Variants in RFX8 observed in about 807,000 individuals in gnomAD.
RFX8 encodes the protein regulatory factor X8, also known as DNA-binding protein RFX8.
In RFX8, 46 loss-of-function variants were observed where a neutral mutation model predicts 54.6. That is an observed-to-expected ratio of 0.84 (90% CI 0.67 to 1.08). The LOEUF (loss-of-function observed/expected upper bound fraction) is 1.08, where lower values mean the gene tolerates loss of function less well. Ranked by LOEUF, RFX8 falls within the 50% of genes least tolerant of loss-of-function variation. The probability of loss-of-function intolerance (pLI) is 0.00; values close to 1 mark genes in which losing one functional copy is unlikely to be tolerated. For missense variants in RFX8, 536 were observed against 562.3 expected, an observed-to-expected ratio of 0.95 and a Z score of 0.47; for synonymous variants, 192 against 209.5, an observed-to-expected ratio of 0.92 and a Z score of 0.72.
intron 2 of RFX8, among the ~76,000 whole-genome samples, chr2:101,423,160 A>G (rs1187941711): frequency 6.6e-6 from 1 of 151,870 alleles, no homozygotes; most frequent in Non-Finnish European, 1.5e-5. Flanking sequence ...TGGGAGGCTA[A>G]AGTGGGAGAA....
chr2:101,462,023 T>C (rs1573481309), intron 2 of RFX8, among the ~76,000 whole-genome samples: 1 of 152,164 alleles, frequency 6.6e-6, no homozygotes. Context: ...CAAAAAGCAA[T>C]TCGGCAGGCC....
intron 2 of RFX8, chr2:101,452,277 G>A (rs903685727): frequency 6.7e-6 from 4 of 595,326 alleles, no homozygotes; most frequent in South Asian, 2.4e-5. Context: ...TCTTTGGTAA[G>A]AGTTGTTATT....
intron 2 of RFX8, among the ~76,000 whole-genome samples, chr2:101,457,073 G>T (rs1030753533): frequency 2.5e-4 from 38 of 152,108 alleles, no homozygotes; most frequent in African/African-American, 7.2e-4. Flanking sequence ...ATTGTTTATT[G>T]CATCTATTTG....
At chr2:101,408,999 C>A (rs1290578506) in intron 9 of RFX8, among the ~76,000 whole-genome samples, 3 of 152,236 alleles carry the variant, frequency 2.0e-5, no homozygotes, top group Non-Finnish European at 4.4e-5. Flanking sequence ...TTTGCTCTCT[C>A]CACCAGTGTG....
Position 101,445,111 on chromosome 2 carries a change from G to A in RFX8, c.72+21666C>T, listed in dbSNP as rs71415315. Among the ~76,000 whole-genome samples, 938 of 152,258 alleles carry A rather than the reference G, an allele frequency of 6.2e-3. 6 individuals are homozygous for A. The highest frequency in any genetic ancestry group is 0.014 in the Middle Eastern group (4 of 294). On this transcript the variant is annotated intron_variant, in intron 2 of 11. Transcript: ENST00000428343. ...ATCTCAATGGGCTGTTTCTTCCAGG[G>A]CTGCCACAAAAGCCTCTCCCTAGTC...
chr2:101,462,012 GC>G (rs1178113200), intron 2 of RFX8, among the ~76,000 whole-genome samples: 3 of 152,140 alleles, frequency 2.0e-5, no homozygotes, highest in Non-Finnish European at 4.4e-5. Flanking sequence ...ACAGTTGGTT[GC>G]AAAAAGCAAT....
chr2:101,405,849 G>A lies in RFX8; in HGVS notation c.928+94C>T, dbSNP rs1261686439. 1.8e-5 allele frequency: 12 copies of A among 657,472 alleles called. 1 individual carries two copies. Among genetic ancestry groups the A allele is most frequent in the Admixed American group, 3.5e-5 (1 of 28,192 alleles). The allele number at this position is 657,472 out of a possible 1,614,324, so 40.7% of individuals were successfully genotyped here. On this transcript the variant is annotated intron_variant, in intron 10 of 11. Coordinates refer to ENST00000428343, the MANE Select transcript of RFX8 (RefSeq NM_001145664.2). The stretch of plus-strand genomic sequence containing the variant: ...TTACATAGAAAGGTTAAAAGAAGAC[G>A]GCTGGATTCTACATAGCAATACGCA...
At chr2:101,428,487 G>A (rs527887912) in intron 2 of RFX8, among the ~76,000 whole-genome samples, 2 of 152,164 alleles carry the variant, frequency 1.3e-5, no homozygotes, top group South Asian at 2.1e-4. Flanking sequence ...ATAAATGTTT[G>A]TTGTTGAAGC....
rs527635394 is a variant in RFX8, at chr2:101,468,895, G to A, written c.-52-1995C>T. Among the ~76,000 whole-genome samples, 40 of 149,560 alleles carry A rather than the reference G, an allele frequency of 2.7e-4. No individual in the cohort carries two copies. In the South Asian group the frequency reaches 7.1e-3, roughly 27 times the overall value. ...CATCAATTATTTGGCTCAAGGCTGA[G>A]TACAGGGTGATACCTATCGATGGGA... On this transcript the variant is annotated intron_variant, in intron 1 of 11. Transcript: ENST00000428343.
chr2:101,410,860 G>A (rs1686084355), intron 8 of RFX8, 147 bp from the exon 9 acceptor site: 2 of 589,746 alleles, frequency 3.4e-6, no homozygotes, highest in South Asian at 4.4e-5. Flanking sequence ...TGTGAACACA[G>A]AGGATGTCCT....
rs925627860 is a variant in RFX8 at position 101,402,455 on chromosome 2, T to C, written c.1226A>G (p.Asp409Gly). The change falls in exon 11 of 12, where the codon GAC (aspartate) becomes GGC (glycine). Residue 409 changes from aspartate (D) to glycine (G), a missense_variant. Physicochemically the swap from Asp to Gly is moderately conservative, Grantham distance 94 (BLOSUM62 -1). Transcript: ENST00000428343. ...MVLRILGFLV[D>G]TAMGNKLIQV... The stretch of plus-strand genomic sequence containing the variant: ...CCCTACCTTATTGCCCATGGCAGTG[T>C]CCACCAGGAAGCCCAGGATCCTGAG... 3 of 1,549,360 alleles carry C rather than the reference T, an allele frequency of 1.9e-6. No individual in the cohort carries two copies. The highest frequency in any genetic ancestry group is 2.7e-5 in the African/African-American group (2 of 73,016).
chr2:101,443,200 T>C (rs1688193184), intron 2 of RFX8, among the ~76,000 whole-genome samples: 1 of 152,142 alleles, frequency 6.6e-6, no homozygotes, highest in South Asian at 2.1e-4. Flanking sequence ...GTGCTGATTG[T>C]ACAGTCCTGG....
intron 2 of RFX8, among the ~76,000 whole-genome samples, chr2:101,461,786 G>A (rs545000031): frequency 1.3e-5 from 2 of 152,090 alleles, no homozygotes; most frequent in Non-Finnish European, 2.9e-5. Flanking sequence ...TAGGAAATAC[G>A]CCGCAATAGA....
chr2:101,400,010 C>T (rs1685340626), intron 11 of RFX8, among the ~76,000 whole-genome samples: 1 of 151,966 alleles, frequency 6.6e-6, no homozygotes, highest in Non-Finnish European at 1.5e-5. Context: ...GGAAAATTAC[C>T]CAACCCCTTC....
At chr2:101,462,973 T>C (rs1167816315) in intron 2 of RFX8, among the ~76,000 whole-genome samples, 1 of 152,176 alleles carries the variant, frequency 6.6e-6, no homozygotes, top group Non-Finnish European at 1.5e-5. Flanking sequence ...TAAGAGGCCA[T>C]GCAGTACTCA....
intron 2 of RFX8, among the ~76,000 whole-genome samples, chr2:101,434,267 T>A (rs1023099435): frequency 6.6e-6 from 1 of 152,350 alleles, no homozygotes; most frequent in East Asian, 1.9e-4. Flanking sequence ...AAGTAAGATA[T>A]CAATTTTTTG....
chr2:101,416,011 C>T (rs1686482213), intron 6 of RFX8, among the ~76,000 whole-genome samples: 1 of 152,168 alleles, frequency 6.6e-6, no homozygotes, highest in African/African-American at 2.4e-5. Context: ...TGCTGAAGAG[C>T]ACTGTTGGGT....
chr2:101,457,770 C>T (rs1273136320), intron 2 of RFX8, among the ~76,000 whole-genome samples: 1 of 152,098 alleles, frequency 6.6e-6, no homozygotes, highest in Non-Finnish European at 1.5e-5. Context: ...CCTTGTTAAC[C>T]TTCTAGCTCA....
intron 2 of RFX8, among the ~76,000 whole-genome samples, chr2:101,428,524 C>T (rs548153155): frequency 3.3e-5 from 5 of 152,266 alleles, no homozygotes; most frequent in South Asian, 2.1e-4. Flanking sequence ...ATTTGCAGCT[C>T]GCACTAAGAC....
Sources: gnomAD v4.1 joint callset for allele counts (sites outside exome capture counted in the v4.1 genomes callset) on GRCh38, gnomAD v4.1.1 for gene constraint, MANE v1.5 for transcripts, NCBI Gene and HGNC (gene_info 2026-07-23, HGNC 2026-07-21) for gene names.